POU2F3: variants seen among roughly 807,000 people sequenced by gnomAD.
POU2F3 encodes POU domain, class 2, transcription factor 3.
Under a neutral mutation model 59.2 loss-of-function variants are expected in POU2F3, and 23 were observed. That is an observed-to-expected ratio of 0.39 (90% CI 0.28 to 0.55). The LOEUF (loss-of-function observed/expected upper bound fraction) is 0.55. Among genes scored for constraint, POU2F3 ranks in the 20% least tolerant of loss-of-function variants. The pLI, the probability that POU2F3 is intolerant of heterozygous loss-of-function variation, is 0.66. For missense variants in POU2F3, 473 were observed against 544.5 expected, an observed-to-expected ratio of 0.87 and a Z score of 1.31; for synonymous variants, 190 against 214.6, an observed-to-expected ratio of 0.89 and a Z score of 1.00.
intron 1 of POU2F3, among the ~76,000 whole-genome samples, chr11:120,243,534 G>A (rs1938755823): frequency 1.3e-5 from 2 of 152,300 alleles, no homozygotes; most frequent in South Asian, 2.1e-4. Flanking sequence ...GCCTCCCCAG[G>A]GAAGGGAGTG....
rs890568858 is a variant in POU2F3 at position 120,262,246 on chromosome 11, A to G, written c.98-6964A>G. 3.9e-5 allele frequency among the ~76,000 whole-genome samples: 6 copies of G among 152,388 alleles called. No individual in the cohort carries two copies. In the East Asian group the frequency reaches 1.2e-3, roughly 29 times the overall value. On this transcript the variant is annotated intron_variant, in intron 2 of 12. Transcript: ENST00000543440. ...AAGAAACTTCAATGAACAGCCACATATCCATCATCTGGATTCAATAATGAA... is the reference window on the plus strand; with the variant it reads ...AAGAAACTTCAATGAACAGCCACATGTCCATCATCTGGATTCAATAATGAA...
rs550481043 is a variant in POU2F3, at chr11:120,317,529, A to C, written c.1271+165A>C. ...GACAGCCAGACTGGACTTTATCCCT[A>C]GGGAGTGGAGATTTTAAAAAGAAGC... On this transcript the variant is annotated intron_variant, in intron 12 of 12. Coordinates refer to ENST00000543440, the MANE Select transcript of POU2F3 (RefSeq NM_014352.4). Among the ~76,000 whole-genome samples the C allele has an allele frequency of 3.9e-5, 6 of 152,342 alleles. No homozygotes were observed. The South Asian group carries it at 1.2e-3, about 32-fold the overall frequency.
In POU2F3 at chr11:120,285,992, C is replaced by T. The variant is rs565666340; in HGVS notation, c.133-12273C>T. On this transcript the variant is annotated intron_variant, in intron 3 of 12. Coordinates refer to ENST00000543440, the MANE Select transcript of POU2F3 (RefSeq NM_014352.4). The surrounding 1 kb of genome is among the most constrained non-coding windows in gnomAD (Gnocchi z 4.3). ...CCGCCCCCAGGGTTCAAACAATTCT[C>T]GTGTCTCAGCCTCCCCAGTAGCTGG... 3.9e-5 allele frequency among the ~76,000 whole-genome samples: 6 copies of T among 152,220 alleles called. No individual in the cohort carries two copies. In the East Asian group the frequency reaches 7.7e-4, roughly 20 times the overall value.
chr11:120,264,311 G>A (rs1028132155), intron 2 of POU2F3, among the ~76,000 whole-genome samples: 2 of 152,176 alleles, frequency 1.3e-5, no homozygotes, highest in African/African-American at 4.8e-5. Context: ...TTGAGCCCAG[G>A]AGGCAGAGGT....
intron 9 of POU2F3, 90 bp from the exon 10 acceptor site, chr11:120,309,335 T>C: frequency 1.5e-6 from 2 of 1,339,658 alleles, no homozygotes; most frequent in South Asian, 1.3e-5. Context: ...TTTTGATCCA[T>C]GTATAGTTGT....
chr11:120,272,478 A>C lies in POU2F3; in HGVS notation c.132+3234A>C, dbSNP rs543524585. 3.3e-5 allele frequency among the ~76,000 whole-genome samples: 5 copies of C among 152,308 alleles called. No homozygotes were observed. In the South Asian group the frequency reaches 1.0e-3, roughly 32 times the overall value. Reference sequence around the variant, plus strand: ...AGAAGGAGTAGGGAGGGGAAGAAAGAATGGTTGTGTAGGAGCAGCCTCTGC... The same window carrying C: ...AGAAGGAGTAGGGAGGGGAAGAAAGCATGGTTGTGTAGGAGCAGCCTCTGC... On this transcript the variant is annotated intron_variant, in intron 3 of 12. Coordinates refer to ENST00000543440, the MANE Select transcript of POU2F3 (RefSeq NM_014352.4).
intron 3 of POU2F3, among the ~76,000 whole-genome samples, chr11:120,294,535 A>G (rs1332195667): frequency 1.3e-5 from 2 of 152,232 alleles, no homozygotes; most frequent in East Asian, 3.8e-4. Flanking sequence ...AATGGGATCC[A>G]ACAGAAGTCT....
intron 3 of POU2F3, among the ~76,000 whole-genome samples, chr11:120,270,752 G>A (rs576977634): frequency 6.6e-6 from 1 of 152,266 alleles, no homozygotes; most frequent in South Asian, 2.1e-4. Context: ...GAGTGCAGTG[G>A]TGTAATCACA....
At chr11:120,245,542 T>C (rs1367617194) in intron 1 of POU2F3, among the ~76,000 whole-genome samples, 5 of 152,022 alleles carry the variant, frequency 3.3e-5, no homozygotes, top group Non-Finnish European at 5.9e-5. Context: ...GCTTCAGTCT[T>C]TGGGTGGTTT....
intron 3 of POU2F3, among the ~76,000 whole-genome samples, chr11:120,296,962 G>A (rs961863033): frequency 2.0e-5 from 3 of 152,178 alleles, no homozygotes; most frequent in Non-Finnish European, 4.4e-5. Flanking sequence ...TTAGCTGTTA[G>A]TCTGAACTTT....
At chr11:120,302,535 G>A (rs577491157) in intron 6 of POU2F3, 167 bp downstream of exon 6, 7 of 601,360 alleles carry the variant, frequency 1.2e-5, no homozygotes, top group Non-Finnish European at 2.0e-5. Flanking sequence ...ACAGCAAGTG[G>A]GGGGACAATT....
intron 2 of POU2F3, chr11:120,257,031 G>A (rs1420994354): frequency 3.3e-5 from 5 of 152,218 alleles, no homozygotes; most frequent in Non-Finnish European, 5.9e-5. Context: ...CACTCATAGG[G>A]TAGTTGTGAG....
At chr11:120,305,832 G>A (rs1345853340) in intron 8 of POU2F3, 47 bp downstream of exon 8, 1 of 1,604,562 alleles carries the variant, frequency 6.2e-7, no homozygotes, top group Admixed American at 1.7e-5. Flanking sequence ...GGGCTCTGCA[G>A]GGAAGGGCCA....
rs1941785626 is a variant in POU2F3, at chr11:120,316,201, T to C, written c.1135+774T>C. On this transcript the variant is annotated intron_variant, in intron 11 of 12. Coordinates refer to ENST00000543440, the MANE Select transcript of POU2F3 (RefSeq NM_014352.4). ...TTCCACTTTTCAAAGTGTCTTAGGG[T>C]CTTAGTTTGGATGGTAAAATATATG... 2.6e-5 allele frequency among the ~76,000 whole-genome samples: 4 copies of C among 152,216 alleles called. 1 individual carries two copies. In the South Asian group the frequency reaches 8.3e-4, roughly 32 times the overall value.
chr11:120,259,970 G>C (rs904594031), intron 2 of POU2F3, among the ~76,000 whole-genome samples: 1 of 152,192 alleles, frequency 6.6e-6, no homozygotes, highest in African/African-American at 2.4e-5. Context: ...CTGGTGGCTG[G>C]CTGCTGAGGA....
intron 3 of POU2F3, among the ~76,000 whole-genome samples, chr11:120,289,348 G>A (rs1286267397): frequency 6.6e-6 from 1 of 152,140 alleles, no homozygotes; most frequent in Non-Finnish European, 1.5e-5. Flanking sequence ...TTCTTACTTA[G>A]GCAATTGCGG....
At chr11:120,271,796 T>A (rs1940087365) in intron 3 of POU2F3, among the ~76,000 whole-genome samples, 1 of 152,208 alleles carries the variant, frequency 6.6e-6, no homozygotes, top group East Asian at 1.9e-4. Flanking sequence ...TTGTTTCCCT[T>A]GGATGAGCCT....
At chr11:120,263,690 C>A (rs916894839) in intron 2 of POU2F3, among the ~76,000 whole-genome samples, 7 of 152,198 alleles carry the variant, frequency 4.6e-5, no homozygotes, top group African/African-American at 1.7e-4. Context: ...TGTGTGGCCT[C>A]AGGAAGGTGT....
At chr11:120,274,917 G>A (rs1400396952) in intron 3 of POU2F3, among the ~76,000 whole-genome samples, 1 of 152,144 alleles carries the variant, frequency 6.6e-6, no homozygotes, top group African/African-American at 2.4e-5. Context: ...TCATGAAGGT[G>A]GGGAAAACCA....
Sources: allele counts gnomAD v4.1 joint callset (sites outside exome capture counted in the v4.1 genomes callset), GRCh38; gene constraint gnomAD v4.1.1; non-coding constraint Gnocchi (gnomAD v3.1); transcripts MANE v1.5; gene names NCBI Gene and HGNC (gene_info 2026-07-23, HGNC 2026-07-21).